The following RIPK4 variants were observed in gnomAD, a reference collection of about 807,000 sequenced individuals.
The protein encoded by RIPK4 is receptor interacting serine/threonine kinase 4.
A neutral mutation model predicts 42.9 loss-of-function variants in RIPK4; 17 were observed. The observed-to-expected ratio is 0.40, with a 90% CI of 0.27 to 0.59. The LOEUF is 0.59. RIPK4 is among the 20% of genes least tolerant of loss of function. The probability of loss-of-function intolerance (pLI) is 0.47; values close to 1 mark genes in which losing one functional copy is unlikely to be tolerated. For synonymous variants in RIPK4, 498 were observed against 499.1 expected (o/e 1.00, Z 0.03); for missense variants, 897 against 1,104.4 (o/e 0.81, Z 2.66).
intron 1 of RIPK4, among the ~76,000 whole-genome samples, chr21:41,758,881 T>A (rs1410884317): frequency 6.6e-6 from 1 of 152,202 alleles, no homozygotes; most frequent in Non-Finnish European, 1.5e-5. Context: ...AGAATCCCAG[T>A]GCAATGGTCT....
chr21:41,746,100 A>G lies in RIPK4; in HGVS notation c.833-238T>C, dbSNP rs868562444. On this transcript the variant is annotated intron_variant, in intron 5 of 7. Coordinates refer to ENST00000332512, the MANE Select transcript of RIPK4 (RefSeq NM_020639.3). ...TCAAGGCGGAAGCCTTCCCCGGGGG[A>G]GCGCCACCTGCCAGTCACAGGGAGC... 10 of 692,856 alleles carry G rather than the reference A, an allele frequency of 1.4e-5. No individual in the cohort carries two copies. In the Middle Eastern group the frequency reaches 1.9e-3, roughly 132 times the overall value. 42.9% of individuals were successfully genotyped at this position (692,856 alleles called of 1,614,324 possible).
chr21:41,754,933 A>G (rs542916228), intron 2 of RIPK4, among the ~76,000 whole-genome samples: 2 of 152,346 alleles, frequency 1.3e-5, no homozygotes, highest in East Asian at 1.9e-4. Context: ...AGACTCAGCG[A>G]GAACCAGAGG....
chr21:41,748,644 T>C (rs2061179126), intron 4 of RIPK4, among the ~76,000 whole-genome samples: 1 of 152,246 alleles, frequency 6.6e-6, no homozygotes, highest in South Asian at 2.1e-4. Flanking sequence ...ATGCTAAGTT[T>C]TGTTCTGTGT....
intron 1 of RIPK4, among the ~76,000 whole-genome samples, chr21:41,759,581 T>TA (rs892482274): frequency 2.6e-5 from 4 of 152,182 alleles, no homozygotes; most frequent in Non-Finnish European, 4.4e-5. Context: ...TCCCTGCCTA[T>TA]AACCCAGTGT....
At chr21:41,744,289 T>C in intron 6 of RIPK4, 149 bp from the exon 7 acceptor site, 6 of 749,568 alleles carry the variant, frequency 8.0e-6, no homozygotes, top group South Asian at 1.9e-5. Flanking sequence ...GATAACCTAT[T>C]GGTCACCGAG....
Position 41,740,758 on chromosome 21 carries a change from G to A in RIPK4, c.*80C>T, listed in dbSNP as rs959963415. On this transcript the variant is annotated 3_prime_UTR_variant, in exon 8 of 8. Coordinates refer to ENST00000332512, the MANE Select transcript of RIPK4 (RefSeq NM_020639.3). ...TAGGTAAGCCACAACAGGGCCCCAC[G>A]CAGGATCGTTCCATCCCCACGAGGA... 56 of 1,411,710 alleles carry A rather than the reference G, an allele frequency of 4.0e-5. No homozygotes were observed. The Middle Eastern group carries it at 1.3e-3, about 33-fold the overall frequency. The allele number at this position is 1,411,710 out of a possible 1,614,324, so 87.4% of individuals were successfully genotyped here.
chr21:41,766,194 C>A (rs896398051), intron 1 of RIPK4, among the ~76,000 whole-genome samples: 2 of 152,244 alleles, frequency 1.3e-5, no homozygotes, highest in Non-Finnish European at 2.9e-5. Flanking sequence ...CGGATCAACA[C>A]CCCGGGCCCC....
chr21:41,762,903 G>A (rs2061225133), intron 1 of RIPK4, among the ~76,000 whole-genome samples: 1 of 152,142 alleles, frequency 6.6e-6, no homozygotes, highest in African/African-American at 2.4e-5. Context: ...ATTTCTTACT[G>A]TTGACAGTGA....
At position 41,742,996 on chromosome 21, in the gene RIPK4, G is replaced by C. The variant is rs13051242; in HGVS notation, c.1195+886C>G. Among the ~76,000 whole-genome samples, 25,395 of 152,080 alleles carry C rather than the reference G, an allele frequency of 0.17. 2,417 individuals carry two copies. Among genetic ancestry groups the C allele is most frequent in the South Asian group, 0.3 (1,421 of 4,804 alleles). On this transcript the variant is annotated intron_variant, in intron 7 of 7. Coordinates refer to ENST00000332512, the MANE Select transcript of RIPK4 (RefSeq NM_020639.3). The surrounding 1 kb of genome is among the most constrained non-coding windows in gnomAD (Gnocchi z 5.1). ...TGTAGCATTGCCTTAAAACAAGACAGCCTCCTTTGCCCCCAATATTCTAAT... is the reference window on the plus strand; with the variant it reads ...TGTAGCATTGCCTTAAAACAAGACACCCTCCTTTGCCCCCAATATTCTAAT...
rs1254099456 is a variant in RIPK4, at chr21:41,741,241, C to T, written c.1952G>A (p.Ser651Asn). ...LHVAAETGHT[S>N]TARLLLHRGA... ...CCGATGCAGGAGCAGCCTGGCAGTG[C>T]TCGTGTGCCCCGTCTCCGCGGCCAC... The change falls in exon 8 of 8, where the codon AGC becomes AAC. Residue 651 changes from serine (S) to asparagine (N), a missense_variant. Transcript: ENST00000332512. 3 of 1,609,056 alleles carry T rather than the reference C, an allele frequency of 1.9e-6. No individual in the cohort carries two copies. The highest frequency in any genetic ancestry group is 2.5e-6 in the Non-Finnish European group (3 of 1,179,034).
chr21:41,749,469 G>A (rs1042810391), intron 3 of RIPK4, among the ~76,000 whole-genome samples: 2 of 152,226 alleles, frequency 1.3e-5, no homozygotes, highest in African/African-American at 2.4e-5. Flanking sequence ...TCCAAAGAGG[G>A]TGCCACCCTA....
Position 41,766,955 on chromosome 21 carries a change from G to A in RIPK4, c.87C>T (p.Gly29=). Residue 29 remains glycine (G), a synonymous_variant, in exon 1 of 8, where the codon GGC becomes GGT. Coordinates refer to ENST00000332512, the MANE Select transcript of RIPK4 (RefSeq NM_020639.3). ...TGTACACCTGCCCGAAGCCGCCCGA[G>A]CCCACCTTCTCCCAGCCCGTGAACT... ...AGEFTGWEKV[G]SGGFGQVYKV... is the part of the protein sequence containing the mutation. 6.2e-7 allele frequency: 1 copy of A among 1,608,082 alleles called. No homozygotes were observed. Among genetic ancestry groups the A allele is most frequent in the Admixed American group, 1.7e-5 (1 of 59,858 alleles).
chr21:41,753,514 G>A (rs758394918), intron 2 of RIPK4, among the ~76,000 whole-genome samples: 2 of 152,126 alleles, frequency 1.3e-5, no homozygotes, highest in Admixed American at 6.5e-5. Context: ...TCCATGTCTC[G>A]GACTCCTGGC....
At position 41,740,808 on chromosome 21, in the gene RIPK4, C is replaced by T. The variant is rs192414962; in HGVS notation, c.*30G>A. On this transcript the variant is annotated 3_prime_UTR_variant, in exon 8 of 8. Coordinates refer to ENST00000332512, the MANE Select transcript of RIPK4 (RefSeq NM_020639.3). ...AACACAGGACAGGACAAGAGCCCCACGTGGACCCCCGGTCTCCGCAGGCAG... is the reference window on the plus strand; with the variant it reads ...AACACAGGACAGGACAAGAGCCCCATGTGGACCCCCGGTCTCCGCAGGCAG... The T allele has an allele frequency of 1.6e-5, 25 of 1,563,880 alleles. No individual in the cohort carries two copies. The African/African-American group carries it at 2.4e-4, about 15-fold the overall frequency.
chr21:41,762,332 C>T (rs2061223119), intron 1 of RIPK4, among the ~76,000 whole-genome samples: 1 of 152,188 alleles, frequency 6.6e-6, no homozygotes. Context: ...GGTGGGGCGG[C>T]TCCCTTGCCT....
At chr21:41,744,203 G>C in intron 6 of RIPK4, 63 bp from the exon 7 acceptor site, 1 of 1,473,986 alleles carries the variant, frequency 6.8e-7, no homozygotes, top group Non-Finnish European at 9.0e-7. Flanking sequence ...GCCCGCCCAT[G>C]ACACAAACAC....
rs1158191217 is a variant in RIPK4, at chr21:41,740,564, T to C, written c.*274A>G. On this transcript the variant is annotated 3_prime_UTR_variant, in exon 8 of 8. Coordinates refer to ENST00000332512, the MANE Select transcript of RIPK4 (RefSeq NM_020639.3). ...CTGAGAGACCAGCCTCAGCGACCCA[T>C]TAGGAGCACAACGAAATGATTCTGA... The C allele has an allele frequency of 2.2e-6, 1 of 453,822 alleles. No individual in the cohort carries two copies. Among genetic ancestry groups the C allele is most frequent in the Non-Finnish European group, 3.9e-6 (1 of 255,690 alleles). The allele number at this position is 453,822 out of a possible 1,614,324, so 28.1% of individuals were successfully genotyped here.
intron 1 of RIPK4, among the ~76,000 whole-genome samples, chr21:41,766,369 T>G (rs2838119): frequency 0.14 from 20,985 of 152,298 alleles, 1,573 homozygotes; most frequent in African/African-American, 0.18. Context: ...GAACGGAGGC[T>G]AACTCCACTC....
chr21:41,766,553 G>A (rs1254608899), intron 1 of RIPK4, among the ~76,000 whole-genome samples: 1 of 152,140 alleles, frequency 6.6e-6, no homozygotes, highest in African/African-American at 2.4e-5. Context: ...GCACGACTGG[G>A]CGCCTTAGGA....
Sources: allele counts gnomAD v4.1 joint callset (sites outside exome capture counted in the v4.1 genomes callset), GRCh38; gene constraint gnomAD v4.1.1; non-coding constraint Gnocchi (gnomAD v3.1); transcripts MANE v1.5; gene names NCBI Gene and HGNC (gene_info 2026-07-23, HGNC 2026-07-21).